ANKRD45: variants seen among roughly 807,000 people sequenced by gnomAD.
ANKRD45 encodes ankyrin repeat domain-containing protein 45.
Under a neutral mutation model 28.1 loss-of-function variants are expected in ANKRD45, and 21 were observed. That is an observed-to-expected ratio of 0.75 (90% CI 0.53 to 1.08). The LOEUF (loss-of-function observed/expected upper bound fraction) is 1.08, where lower values mean the gene tolerates loss of function less well. ANKRD45 is among the 50% of genes least tolerant of loss of function. ANKRD45 has a pLI of 0.00. For missense variants in ANKRD45, 261 were observed against 308.7 expected, an observed-to-expected ratio of 0.85 and a Z score of 1.16; for synonymous variants, 86 against 103.9, an observed-to-expected ratio of 0.83 and a Z score of 1.05.
chr1:173,714,385 G>C, the ANKRD45 span, among the ~76,000 whole-genome samples: 3 of 152,136 alleles, frequency 2.0e-5, no homozygotes, highest in African/African-American at 7.2e-5. Flanking sequence ...ATCCACAGAA[G>C]ATGTGTTTGG....
chr1:173,698,034 T>C, the ANKRD45 span, among the ~76,000 whole-genome samples: 1,075 of 149,390 alleles, frequency 7.2e-3, 18 homozygotes, highest in African/African-American at 0.025. Context: ...TCCGATAAAA[T>C]AGACTTAAAA....
chr1:173,658,865 G>A (rs116247255), intron 2 of ANKRD45: 1 of 566,840 alleles, frequency 1.8e-6, no homozygotes, highest in Admixed American at 4.3e-5. Context: ...AACTTGCCAA[G>A]TCACACAGCT....
intron 2 of ANKRD45, among the ~76,000 whole-genome samples, chr1:173,648,725 A>C (rs1393860018): frequency 6.6e-6 from 1 of 152,200 alleles, no homozygotes; most frequent in Non-Finnish European, 1.5e-5. Context: ...AAATACCTAC[A>C]AAAAAGATGG....
chr1:173,611,863 G>A (rs972143398), intron 5 of ANKRD45, among the ~76,000 whole-genome samples: 1 of 151,976 alleles, frequency 6.6e-6, no homozygotes, highest in Non-Finnish European at 1.5e-5. Flanking sequence ...AGAATGGGAG[G>A]AAATAGAATC....
intron 5 of ANKRD45, among the ~76,000 whole-genome samples, chr1:173,618,112 CA>C (rs1270894558): frequency 6.6e-6 from 1 of 152,070 alleles, no homozygotes; most frequent in Non-Finnish European, 1.5e-5. Context: ...GCAGCATCAA[CA>C]AAAAAGGCCT....
the ANKRD45 span, among the ~76,000 whole-genome samples, chr1:173,705,708 ATTTT>A: frequency 2.0e-5 from 3 of 152,022 alleles, no homozygotes; most frequent in African/African-American, 7.2e-5. Flanking sequence ...GCTTAAGTGA[ATTTT>A]TTAATTATTA....
intron 2 of ANKRD45, among the ~76,000 whole-genome samples, chr1:173,654,531 T>G (rs912368160): frequency 6.6e-6 from 1 of 152,166 alleles, no homozygotes; most frequent in South Asian, 2.1e-4. Context: ...CACTTAACAT[T>G]TTTTCCTTCA....
At chr1:173,620,953 C>T (rs1046231131) in intron 5 of ANKRD45, among the ~76,000 whole-genome samples, 3 of 152,032 alleles carry the variant, frequency 2.0e-5, no homozygotes, top group African/African-American at 7.2e-5. Flanking sequence ...ATCAAATAGA[C>T]ACAATCAGAA....
At chr1:173,661,603 T>C (rs1222679408) in intron 1 of ANKRD45, among the ~76,000 whole-genome samples, 2 of 152,114 alleles carry the variant, frequency 1.3e-5, no homozygotes, top group African/African-American at 2.4e-5. Context: ...CTGAGTGACA[T>C]AGATTAGAGG....
At chr1:173,616,867 C>A (rs1391854711) in intron 5 of ANKRD45, among the ~76,000 whole-genome samples, 1 of 152,096 alleles carries the variant, frequency 6.6e-6, no homozygotes, top group Non-Finnish European at 1.5e-5. Flanking sequence ...AATGGCTTGA[C>A]CCAGAAAGAA....
chr1:173,658,566 A>C (rs969450057), intron 2 of ANKRD45: 3 of 152,132 alleles, frequency 2.0e-5, no homozygotes, highest in Admixed American at 2.0e-4. Context: ...GATCATGCTG[A>C]TGATCTTTTT....
chr1:173,641,000 A>C (rs1411262794), intron 3 of ANKRD45, among the ~76,000 whole-genome samples: 1 of 152,110 alleles, frequency 6.6e-6, no homozygotes, highest in Non-Finnish European at 1.5e-5. Flanking sequence ...ATGGGGATTG[A>C]TGTAAATGGG....
intron 3 of ANKRD45, among the ~76,000 whole-genome samples, chr1:173,642,047 C>T (rs1169846425): frequency 6.6e-6 from 1 of 152,094 alleles, no homozygotes; most frequent in Non-Finnish European, 1.5e-5. Flanking sequence ...GATTGAAACT[C>T]AATGTTGTAC....
the ANKRD45 span, among the ~76,000 whole-genome samples, chr1:173,688,349 A>C: frequency 0.017 from 1,472 of 86,478 alleles, 41 homozygotes; most frequent in African/African-American, 0.072. Flanking sequence ...TCTCTCTCTG[A>C]CTCCCTCTCT....
chr1:173,644,617 T>C (rs1419739943), intron 3 of ANKRD45, among the ~76,000 whole-genome samples: 1 of 152,170 alleles, frequency 6.6e-6, no homozygotes, highest in African/African-American at 2.4e-5. Flanking sequence ...CCCCAAAAAA[T>C]TTTTCAGAAA....
intron 5 of ANKRD45, 46 bp from the exon 6 acceptor site, chr1:173,610,261 A>G (rs765686796): frequency 6.5e-7 from 1 of 1,544,984 alleles, no homozygotes; most frequent in Non-Finnish European, 8.9e-7. Context: ...AGTTTGCAAT[A>G]TGAAACAAAA....
At position 173,665,607 on chromosome 1, in the gene ANKRD45, G is replaced by A. The variant is rs778746713; in HGVS notation, c.-16+4210C>T. Among the ~76,000 whole-genome samples, 15 of 152,162 alleles carry A rather than the reference G, an allele frequency of 9.9e-5. 1 individual carries two copies. Among genetic ancestry groups the A allele is most frequent in the Non-Finnish European group, 4.4e-5 (3 of 68,028 alleles). The stretch of plus-strand genomic sequence containing the variant: ...GCCCAGAACCAACATAATTAGGGCA[G>A]TGGTTCTCAAATTCTTTGATCTCAG... On this transcript the variant is annotated intron_variant, in intron 1 of 5. Transcript: ENST00000333279.
At chr1:173,666,188 C>G (rs1670009831) in intron 1 of ANKRD45, among the ~76,000 whole-genome samples, 1 of 152,164 alleles carries the variant, frequency 6.6e-6, no homozygotes, top group African/African-American at 2.4e-5. Flanking sequence ...CCTTCAGGCT[C>G]AGGCTGGGAC....
chr1:173,645,717 A>C (rs1457520302), intron 3 of ANKRD45, among the ~76,000 whole-genome samples: 1 of 152,152 alleles, frequency 6.6e-6, no homozygotes, highest in African/African-American at 2.4e-5. Context: ...TCAATAAGGC[A>C]ATCTTGTCAC....
Sources: gnomAD v4.1 joint callset for allele counts (sites outside exome capture counted in the v4.1 genomes callset) on GRCh38, gnomAD v4.1.1 for gene constraint, MANE v1.5 for transcripts, NCBI Gene and HGNC (gene_info 2026-07-23, HGNC 2026-07-21) for gene names.